Variants in TAF6L observed in about 807,000 individuals in gnomAD.
TAF6L encodes TATA-box binding protein associated factor 6 like.
Under a neutral mutation model 57.3 loss-of-function variants are expected in TAF6L, and 34 were observed. That is an observed-to-expected ratio of 0.59 (90% confidence interval 0.45 to 0.79). TAF6L has a LOEUF of 0.79. TAF6L is among the 30% of genes least tolerant of loss of function. The pLI is 0.00. For synonymous variants in TAF6L, 417 were observed against 376.3 expected (o/e 1.11, Z -1.25); for missense variants, 782 against 853.2 (o/e 0.92, Z 1.04).
intron 6 of TAF6L, among the ~76,000 whole-genome samples, chr11:62,779,972 A>ATTTT (rs1367245372): frequency 8.1e-5 from 5 of 61,478 alleles, no homozygotes; most frequent in South Asian, 1.1e-3. Flanking sequence ...ATATATATAT[A>ATTTT]TATATTTTTT....
Position 62,787,180 on chromosome 11 carries a change from C to T in TAF6L, c.1753C>T (p.Pro585Ser), listed in dbSNP as rs1449427087. Residue 585 changes from proline to serine, a missense_variant, in exon 11 of 11, where the codon CCG (proline) becomes TCG (serine). By Grantham distance (74) the Pro-to-Ser change is moderately conservative. Transcript: ENST00000294168. The part of the protein sequence containing the change: ...GRLFQTAFPA[P>S]YGPSPASRYV... ...CCTTTTCCAGACTGCCTTCCCCGCG[C>T]CGTACGGGCCTAGCCCGGCCTCGCG... 1.3e-6 allele frequency: 2 copies of T among 1,586,692 alleles called. No homozygotes were observed. The highest frequency in any genetic ancestry group is 1.1e-5 in the South Asian group (1 of 89,514).
At chr11:62,785,713 T>C (rs1268377528) in intron 9 of TAF6L, among the ~76,000 whole-genome samples, 1 of 151,736 alleles carries the variant, frequency 6.6e-6, no homozygotes, top group East Asian at 1.9e-4. Flanking sequence ...TTTTGTATTT[T>C]TAGTAGAGAT....
rs921156103 is a variant in TAF6L, at chr11:62,778,911, A to G, written c.479A>G (p.Tyr160Cys). The change falls in exon 6 of 11, where the codon TAC becomes TGC. Residue 160 changes from tyrosine (Y) to cysteine (C), a missense_variant. By Grantham distance (194) the Tyr-to-Cys change is radical. This residue lies in a region of TAF6L where 220 missense variants were observed against 252.1 expected (regional missense o/e 0.87). Coordinates refer to ENST00000294168, the MANE Select transcript of TAF6L (RefSeq NM_006473.4). Reference protein sequence around the residue: ...VSSLTDDLLKYYHQVTRAVLG... With the variant: ...VSSLTDDLLKCYHQVTRAVLG... ...TCACTGACAGATGACCTTCTCAAGT[A>G]CTATCACCAGGTGACTCGTGCTGTG... is the stretch of plus-strand genomic sequence containing the variant. The G allele has an allele frequency of 6.2e-7, 1 of 1,613,916 alleles. No individual in the cohort carries two copies. Among genetic ancestry groups the G allele is most frequent in the African/African-American group, 1.3e-5 (1 of 74,870 alleles).
At chr11:62,777,473 G>C (rs766416096) in intron 3 of TAF6L, among the ~76,000 whole-genome samples, 1 of 152,164 alleles carries the variant, frequency 6.6e-6, no homozygotes, top group Non-Finnish European at 1.5e-5. Flanking sequence ...CCAGAGGTTA[G>C]AGAAAGCTTT....
rs746664527 is a variant in TAF6L, at chr11:62,787,053, C to T, written c.1626C>T (p.Gly542=). The T allele has an allele frequency of 1.3e-6, 2 of 1,523,024 alleles. No homozygotes were observed. The highest frequency in any genetic ancestry group is 8.8e-7 in the Non-Finnish European group (1 of 1,142,424). 94.3% of individuals were successfully genotyped at this position (1,523,024 alleles called of 1,614,324 possible). A position where few individuals can be genotyped will look rare whatever the true frequency, so the allele number is the denominator to read the frequency against. ...CCCGGCAGCAGGGCCCCGGGACCGG[C>T]ACCCGCGACGTTTTCCAGAAGAGCC... The part of the protein sequence containing the change: ...GAPRQQGPGT[G]TRDVFQKSRF... Residue 542 remains glycine (G), a synonymous_variant, in exon 11 of 11, where the codon GGC becomes GGT. Coordinates refer to ENST00000294168, the MANE Select transcript of TAF6L (RefSeq NM_006473.4).
chr11:62,772,782 A>C (rs1371734179), intron 1 of TAF6L, among the ~76,000 whole-genome samples: 1 of 149,502 alleles, frequency 6.7e-6, no homozygotes, highest in Non-Finnish European at 1.5e-5. Context: ...TGGGTGACAG[A>C]GTGAGACATC....
At position 62,778,583 on chromosome 11, in the gene TAF6L, G is replaced by A. The variant is rs148901342; in HGVS notation, c.436+248G>A. On this transcript the variant is annotated intron_variant, in intron 5 of 10. Coordinates refer to ENST00000294168, the MANE Select transcript of TAF6L (RefSeq NM_006473.4). ...AGAAGTCTGGGCAGCATGCTGGGGC[G>A]GTGTTTCACCCCCAGGGTATGCTGA... The A allele has an allele frequency of 3.9e-3, 2,408 of 618,180 alleles. 10 individuals carry two copies. The highest frequency in any genetic ancestry group is 5.4e-3 in the Non-Finnish European group (1,884 of 349,416). 38.3% of individuals were successfully genotyped at this position (618,180 alleles called of 1,614,324 possible).
Position 62,786,687 on chromosome 11 carries a change from G to C in TAF6L, c.1260G>C (p.Pro420=). The C allele has an allele frequency of 6.2e-7, 1 of 1,612,054 alleles. No homozygotes were observed. The highest frequency in any genetic ancestry group is 8.5e-7 in the Non-Finnish European group (1 of 1,179,258). ...GAEPSFGSGL[P]LPPGGAGPED... The stretch of plus-strand genomic sequence containing the variant: ...AACCCAGCTTTGGGTCCGGCCTCCC[G>C]CTGCCGCCAGGGGGCGCGGGGCCGG... The change falls in exon 11 of 11, where the codon CCG becomes CCC. Residue 420 remains proline, a synonymous_variant. Transcript: ENST00000294168.
rs200382947 is a variant in TAF6L at position 62,776,905 on chromosome 11, T to C, written c.234+435T>C. Among the ~76,000 whole-genome samples the C allele has an allele frequency of 4.0e-5, 6 of 150,048 alleles. No homozygotes were observed. In the East Asian group the frequency reaches 1.2e-3, roughly 29 times the overall value. ...AGCTTACACCTAAAATCCCAGCACT[T>C]TGGGAGGTGGAGGCCGGCGGATCAC... On this transcript the variant is annotated intron_variant, in intron 3 of 10. Transcript: ENST00000294168.
At chr11:62,772,947 G>A (rs935778728) in intron 1 of TAF6L, among the ~76,000 whole-genome samples, 1 of 150,806 alleles carries the variant, frequency 6.6e-6, no homozygotes, top group South Asian at 2.1e-4. Flanking sequence ...GTGCAATCTC[G>A]GCTCACTGCA....
intron 9 of TAF6L, among the ~76,000 whole-genome samples, chr11:62,783,327 A>G (rs1456417640): frequency 1.3e-5 from 2 of 152,020 alleles, no homozygotes; most frequent in Admixed American, 1.3e-4. Flanking sequence ...CTAAAAATAC[A>G]AACAATTAGC....
In TAF6L at chr11:62,787,151, G is replaced by A; in HGVS notation, c.1724G>A (p.Gly575Glu). 1 of 1,573,512 alleles carries A rather than the reference G, an allele frequency of 6.4e-7. No individual in the cohort carries two copies. The highest frequency in any genetic ancestry group is 2.3e-5 in the East Asian group (1 of 42,580). Residue 575 changes from glycine to glutamate, a missense_variant, in exon 11 of 11, where the codon GGG becomes GAG. By Grantham distance (98) the Gly-to-Glu change is moderately conservative (BLOSUM62 -2). This residue lies in a region of TAF6L where 483 missense variants were observed against 445.1 expected (regional missense o/e 1.09). Transcript: ENST00000294168. ...AGRQAGRRCR[G>E]RLFQTAFPAP... ...CGGCAGGCTGGGAGGCGCTGCCGCG[G>A]GCGCCTTTTCCAGACTGCCTTCCCC...
At position 62,778,330 on chromosome 11, in the gene TAF6L, G is replaced by T; in HGVS notation, c.431G>T (p.Gly144Val). The T allele has an allele frequency of 6.2e-7, 1 of 1,614,186 alleles. No homozygotes were observed. The highest frequency in any genetic ancestry group is 8.5e-7 in the Non-Finnish European group (1 of 1,180,042). ...GGCAAAGGGAACCTGGCACCTCAAGGATCGGGTAAGGGGTGATGTAGGAAA... is the reference window on the plus strand; with the variant it reads ...GGCAAAGGGAACCTGGCACCTCAAGTATCGGGTAAGGGGTGATGTAGGAAA... Reference protein sequence around the residue: ...LDGKGNLAPQGSVPSAVSSLT... With the variant: ...LDGKGNLAPQVSVPSAVSSLT... Residue 144 changes from glycine (G) to valine (V), a missense_variant, in exon 5 of 11, where the codon GGA becomes GTA. Transcript: ENST00000294168.
At chr11:62,784,144 C>A (rs2084252488) in intron 9 of TAF6L, among the ~76,000 whole-genome samples, 2 of 146,562 alleles carry the variant, frequency 1.4e-5, no homozygotes, top group Non-Finnish European at 3.0e-5. Flanking sequence ...CACGCACCAC[C>A]AGGGCCAGTT....
In TAF6L at chr11:62,786,960, G is replaced by C. The variant is rs1012656813; in HGVS notation, c.1533G>C (p.Ala511=). 30 of 1,447,570 alleles carry C rather than the reference G, an allele frequency of 2.1e-5. No homozygotes were observed. Among genetic ancestry groups the C allele is most frequent in the Non-Finnish European group, 2.6e-5 (29 of 1,111,154 alleles). The allele number at this position is 1,447,570 out of a possible 1,614,324, so 89.7% of individuals were successfully genotyped here. Residue 511 remains alanine (A), a synonymous_variant, in exon 11 of 11, where the codon GCG becomes GCC. Coordinates refer to ENST00000294168, the MANE Select transcript of TAF6L (RefSeq NM_006473.4). Reference sequence around the variant, plus strand: ...GGGGCAGCGGCGGAGGCGGCCCCGCGTCGGCCTCTGGGCCCGCCGCCTCTG... The same window carrying C: ...GGGGCAGCGGCGGAGGCGGCCCCGCCTCGGCCTCTGGGCCCGCCGCCTCTG... ...SPRGSGGGGP[A]SASGPAASES...
At chr11:62,773,295 G>A (rs1325510029) in intron 1 of TAF6L, among the ~76,000 whole-genome samples, 1 of 151,352 alleles carries the variant, frequency 6.6e-6, no homozygotes, top group Admixed American at 6.6e-5. Flanking sequence ...CTACAGGCGC[G>A]GACCACCATG....
At chr11:62,785,118 G>C (rs565144121) in intron 9 of TAF6L, among the ~76,000 whole-genome samples, 3 of 151,880 alleles carry the variant, frequency 2.0e-5, no homozygotes, top group Admixed American at 2.0e-4. Flanking sequence ...GATTACAAGC[G>C]TGAGGCACTG....
At chr11:62,783,461 G>A (rs1054935703) in intron 9 of TAF6L, among the ~76,000 whole-genome samples, 15 of 149,738 alleles carry the variant, frequency 1.0e-4, no homozygotes, top group African/African-American at 3.4e-4. Flanking sequence ...CAGCCTGGGC[G>A]ACAGAGCGAG....
intron 6 of TAF6L, among the ~76,000 whole-genome samples, chr11:62,780,179 G>T (rs1031821126): frequency 6.6e-6 from 1 of 151,356 alleles, no homozygotes; most frequent in African/African-American, 2.4e-5. Flanking sequence ...TTAACTGGCT[G>T]TTGTGGTGGG....
Sources: gnomAD v4.1 joint callset for allele counts (sites outside exome capture counted in the v4.1 genomes callset) on GRCh38, gnomAD v4.1.1 for gene constraint, gnomAD v4.1.1 regional missense constraint, MANE v1.5 for transcripts, NCBI Gene and HGNC (gene_info 2026-07-23, HGNC 2026-07-21) for gene names.